PUS10: variants seen among roughly 807,000 people sequenced by gnomAD.
PUS10 encodes pseudouridine synthase 10, also known as tRNA pseudouridine synthase Pus10.
PUS10 carries 59 observed loss-of-function variants against 75.0 expected under a neutral mutation model. The observed-to-expected ratio is 0.79, with a 90% CI of 0.64 to 0.98. PUS10 has a LOEUF of 0.98. Ranked by LOEUF, PUS10 falls within the 50% of genes least tolerant of loss-of-function variation. PUS10 has a pLI of 0.00. For synonymous variants in PUS10, 219 were observed against 211.6 expected (o/e 1.03, Z -0.30); for missense variants, 650 against 614.4 (o/e 1.06, Z -0.61).
chr2:61,014,615 A>G (rs1679848219), intron 1 of PUS10, among the ~76,000 whole-genome samples: 1 of 152,204 alleles, frequency 6.6e-6, no homozygotes, highest in Non-Finnish European at 1.5e-5. Context: ...AATTAGTGAA[A>G]CAGTTCATAT....
At chr2:61,014,480 A>C (rs1162662312) in intron 1 of PUS10, among the ~76,000 whole-genome samples, 1 of 152,230 alleles carries the variant, frequency 6.6e-6, no homozygotes, top group Non-Finnish European at 1.5e-5. Context: ...CAATTTTTGC[A>C]ATTTAAATAA....
intron 2 of PUS10, chr2:61,010,263 A>G (rs529800023): frequency 6.5e-6 from 1 of 154,786 alleles, no homozygotes; most frequent in East Asian, 1.8e-4. Context: ...TTGTGTATAA[A>G]TGAATATACA....
chr2:60,980,181 G>A (rs761246614), intron 4 of PUS10, among the ~76,000 whole-genome samples: 4 of 152,088 alleles, frequency 2.6e-5, no homozygotes, highest in Non-Finnish European at 4.4e-5. Flanking sequence ...AAATGAGAGA[G>A]AACACACATA....
intron 11 of PUS10, among the ~76,000 whole-genome samples, chr2:60,956,974 C>CAAAAAAAAAAAAAAA (rs56804354): frequency 7.3e-4 from 14 of 19,232 alleles, no homozygotes; most frequent in South Asian, 3.5e-3. Context: ...GACTCCATCT[C>CAAAAAAAAAAAAAAA]AAAAAAAAAA....
intron 4 of PUS10, among the ~76,000 whole-genome samples, chr2:60,979,523 C>T (rs1677252584): frequency 6.6e-6 from 1 of 152,270 alleles, no homozygotes; most frequent in South Asian, 2.1e-4. Flanking sequence ...CTTGCACCAC[C>T]ACCATCTCCT....
At chr2:60,971,477 G>C (rs755187985) in intron 5 of PUS10, 46 bp downstream of exon 5, 1 of 1,523,674 alleles carries the variant, frequency 6.6e-7, no homozygotes, top group Non-Finnish European at 9.1e-7. Context: ...GAACCAGGTA[G>C]CTTGTATTTG....
intron 15 of PUS10, among the ~76,000 whole-genome samples, chr2:60,949,595 G>T (rs1374272462): frequency 6.6e-6 from 1 of 151,910 alleles, no homozygotes; most frequent in African/African-American, 2.4e-5. Flanking sequence ...AGATGCTCCT[G>T]AAGAGGGGAT....
At chr2:60,943,723 T>C (rs2104072161) in intron 17 of PUS10, among the ~76,000 whole-genome samples, 1 of 151,690 alleles carries the variant, frequency 6.6e-6, no homozygotes, top group South Asian at 2.1e-4. Flanking sequence ...TTAATGAGTG[T>C]TTTCTCAAGC....
At chr2:60,962,025 T>C (rs1219703162) in intron 9 of PUS10, among the ~76,000 whole-genome samples, 1 of 152,262 alleles carries the variant, frequency 6.6e-6, no homozygotes, top group Non-Finnish European at 1.5e-5. Context: ...AAAATGAATG[T>C]ACCAAGAATT....
chr2:60,999,634 TATA>T (rs1311167103), intron 4 of PUS10, among the ~76,000 whole-genome samples: 2 of 152,038 alleles, frequency 1.3e-5, no homozygotes, highest in African/African-American at 4.8e-5. Flanking sequence ...AAATAAACAC[TATA>T]ATAAGTATTT....
chr2:60,975,174 C>G (rs1477895867), intron 4 of PUS10, among the ~76,000 whole-genome samples: 1 of 152,066 alleles, frequency 6.6e-6, no homozygotes, highest in Non-Finnish European at 1.5e-5. Flanking sequence ...TGAGACGGAG[C>G]CTCACTCTGT....
At chr2:61,011,204 T>A (rs182169457) in intron 2 of PUS10, among the ~76,000 whole-genome samples, 1 of 152,184 alleles carries the variant, frequency 6.6e-6, no homozygotes, top group Admixed American at 6.5e-5. Context: ...ACATATCTTA[T>A]GCAAAAAAGT....
chr2:60,961,517 C>G lies in PUS10; in HGVS notation c.820G>C (p.Ala274Pro), dbSNP rs754243368. 1 of 1,614,050 alleles carries G rather than the reference C, an allele frequency of 6.2e-7. No homozygotes were observed. Among genetic ancestry groups the G allele is most frequent in the East Asian group, 2.2e-5 (1 of 44,870 alleles). ...QFPCPPNSPK[A>P]VCAVLEIECA... is the part of the protein sequence containing the mutation. Reference sequence around the variant, plus strand: ...TCAATTTCAAGAACAGCGCATACAGCCTTTGGTGAGTTTGGAGGACAAGGA... The same window carrying G: ...TCAATTTCAAGAACAGCGCATACAGGCTTTGGTGAGTTTGGAGGACAAGGA... The change falls in exon 10 of 18, where the codon GCT becomes CCT. Residue 274 changes from alanine (A) to proline (P), a missense_variant. By Grantham distance (27) the Ala-to-Pro change is conservative (BLOSUM62 -1). Coordinates refer to ENST00000316752, the MANE Select transcript of PUS10 (RefSeq NM_144709.4).
intron 16 of PUS10, among the ~76,000 whole-genome samples, chr2:60,945,922 T>C (rs1674918438): frequency 1.3e-5 from 2 of 152,208 alleles, no homozygotes. Context: ...AGAAAATAAT[T>C]AATGGAACTT....
intron 4 of PUS10, among the ~76,000 whole-genome samples, chr2:60,986,865 C>G (rs567736991): frequency 6.6e-6 from 1 of 152,304 alleles, no homozygotes; most frequent in Non-Finnish European, 1.5e-5. Flanking sequence ...TGATTTAGAG[C>G]AAGTTCTGTG....
Position 60,988,950 on chromosome 2 carries a change from G to A in PUS10, c.469-17393C>T, listed in dbSNP as rs563522084. ...AGCCCCACCACCTGGCCAGGCATGCGCTTTTGTTAAGCCCCTAAAACAGCA... is the reference window on the plus strand; with the variant it reads ...AGCCCCACCACCTGGCCAGGCATGCACTTTTGTTAAGCCCCTAAAACAGCA... On this transcript the variant is annotated intron_variant, in intron 4 of 17. Coordinates refer to ENST00000316752, the MANE Select transcript of PUS10 (RefSeq NM_144709.4). Among the ~76,000 whole-genome samples the A allele has an allele frequency of 7.1e-4, 108 of 151,974 alleles. 1 individual carries two copies. The highest frequency in any genetic ancestry group is 8.2e-4 in the Non-Finnish European group (56 of 67,976).
intron 8 of PUS10, among the ~76,000 whole-genome samples, chr2:60,964,664 G>A (rs1404411242): frequency 6.6e-6 from 1 of 152,102 alleles, no homozygotes; most frequent in Non-Finnish European, 1.5e-5. Context: ...ATTGATTTCT[G>A]GAAAATGGAT....
At chr2:60,956,785 C>A (rs887673310) in intron 11 of PUS10, among the ~76,000 whole-genome samples, 2 of 151,782 alleles carry the variant, frequency 1.3e-5, no homozygotes, top group African/African-American at 4.8e-5. Flanking sequence ...ACCATCCTGG[C>A]TAACTTGGTG....
At chr2:60,996,865 G>T (rs998867848) in intron 4 of PUS10, among the ~76,000 whole-genome samples, 2 of 152,190 alleles carry the variant, frequency 1.3e-5, no homozygotes, top group Non-Finnish European at 2.9e-5. Context: ...TATACACAAA[G>T]GTTGGAAACT....
Sources: allele counts gnomAD v4.1 joint callset (sites outside exome capture counted in the v4.1 genomes callset), GRCh38; gene constraint gnomAD v4.1.1; transcripts MANE v1.5; gene names NCBI Gene and HGNC (gene_info 2026-07-23, HGNC 2026-07-21).